SH3PXD2B: variants seen among roughly 807,000 people sequenced by gnomAD.
SH3PXD2B encodes the protein SH3 and PX domain-containing protein 2B.
In SH3PXD2B, 37 loss-of-function variants were observed where a neutral mutation model predicts 73.1. The ratio of observed to expected loss-of-function variants is 0.51; its 90% CI spans 0.39 to 0.67. SH3PXD2B has a LOEUF of 0.67. Among genes scored for constraint, SH3PXD2B ranks in the 30% least tolerant of loss-of-function variants. SH3PXD2B has a pLI of 0.00. For synonymous variants in SH3PXD2B, 457 were observed against 480.5 expected, an observed-to-expected ratio of 0.95 and a Z score of 0.64; for missense variants, 1,053 against 1,197.8, an observed-to-expected ratio of 0.88 and a Z score of 1.78.
chr5:172,405,812 C>T (rs918866588), intron 3 of SH3PXD2B, among the ~76,000 whole-genome samples: 2 of 152,104 alleles, frequency 1.3e-5, no homozygotes, highest in African/African-American at 4.8e-5. Context: ...GAATAGAAAA[C>T]GAATACCATA....
At chr5:172,440,149 A>T (rs1054349199) in intron 1 of SH3PXD2B, among the ~76,000 whole-genome samples, 2 of 152,232 alleles carry the variant, frequency 1.3e-5, no homozygotes, top group Admixed American at 6.5e-5. Flanking sequence ...ATTTCAAGTG[A>T]GGGCCTCTCT....
chr5:172,441,329 G>A (rs966319263), intron 1 of SH3PXD2B, among the ~76,000 whole-genome samples: 1 of 152,194 alleles, frequency 6.6e-6, no homozygotes, highest in Admixed American at 6.5e-5. Context: ...TCCAAAGCCT[G>A]CAGCTTAAAC....
rs1005758564 is a variant in SH3PXD2B, at chr5:172,445,836, C to T, written c.75+8442G>A. Among the ~76,000 whole-genome samples, 9 of 152,176 alleles carry T rather than the reference C, an allele frequency of 5.9e-5. No homozygotes were observed. The highest frequency in any genetic ancestry group is 1.3e-4 in the Admixed American group (2 of 15,286). ...AAGACCCTGGGCTGAGAGTCATGCCCGCCTGCAGGTGTGCATCTGGGCCAG... is the reference window on the plus strand; with the variant it reads ...AAGACCCTGGGCTGAGAGTCATGCCTGCCTGCAGGTGTGCATCTGGGCCAG... On this transcript the variant is annotated intron_variant, in intron 1 of 12. Transcript: ENST00000311601. This position sits in a 1 kb window ranked among gnomAD's most constrained non-coding sequence, Gnocchi z 5.2.
rs969662448 is a variant in SH3PXD2B, at chr5:172,381,911, G to A, written c.401+125C>T. The A allele has an allele frequency of 1.2e-5, 8 of 668,954 alleles. 1 individual carries two copies. Among genetic ancestry groups the A allele is most frequent in the South Asian group, 5.5e-5 (3 of 55,030 alleles). The allele number at this position is 668,954 out of a possible 1,614,324, so 41.4% of individuals were successfully genotyped here. On this transcript the variant is annotated intron_variant, in intron 5 of 12. Coordinates refer to ENST00000311601, the MANE Select transcript of SH3PXD2B (RefSeq NM_001017995.3). ...CAACTCTGAAGGCTAAGTGAAGTGC[G>A]GTCTCACAGGGGCTCAGCCGACGAA... is the stretch of plus-strand genomic sequence containing the variant.
chr5:172,416,457 A>G (rs1322525399), intron 2 of SH3PXD2B, among the ~76,000 whole-genome samples: 1 of 151,286 alleles, frequency 6.6e-6, no homozygotes, highest in African/African-American at 2.4e-5. Flanking sequence ...CCTCCTGAGT[A>G]GCTGGGATTA....
intron 12 of SH3PXD2B, among the ~76,000 whole-genome samples, chr5:172,345,143 C>T (rs908974682): frequency 2.8e-5 from 4 of 144,468 alleles, no homozygotes; most frequent in African/African-American, 8.5e-5. Flanking sequence ...GGAATGAAGG[C>T]GTGCAGGCAG....
At chr5:172,418,607 G>A (rs540705408) in intron 2 of SH3PXD2B, among the ~76,000 whole-genome samples, 66 of 152,262 alleles carry the variant, frequency 4.3e-4, no homozygotes, top group East Asian at 1.2e-3. Flanking sequence ...GGGCTGGTGC[G>A]ATCCTGCCCT....
chr5:172,429,979 G>A (rs1042013744), intron 1 of SH3PXD2B, among the ~76,000 whole-genome samples: 3 of 152,146 alleles, frequency 2.0e-5, no homozygotes, highest in Non-Finnish European at 2.9e-5. Context: ...CAATGGCCTC[G>A]ATTTATATCC....
At chr5:172,399,675 T>TA (rs1346430160) in intron 3 of SH3PXD2B, among the ~76,000 whole-genome samples, 1 of 152,218 alleles carries the variant, frequency 6.6e-6, no homozygotes, top group African/African-American at 2.4e-5. Flanking sequence ...CTTACAAACC[T>TA]AAAAATCTCA....
intron 6 of SH3PXD2B, among the ~76,000 whole-genome samples, chr5:172,369,043 C>A (rs961462551): frequency 1.3e-5 from 2 of 150,252 alleles, no homozygotes; most frequent in Admixed American, 1.3e-4. Context: ...TACAGGCATG[C>A]ACCACCATGC....
intron 3 of SH3PXD2B, among the ~76,000 whole-genome samples, chr5:172,403,193 C>G (rs775924769): frequency 2.0e-5 from 3 of 152,246 alleles, no homozygotes; most frequent in Non-Finnish European, 4.4e-5. Context: ...TTGTTTTCCA[C>G]TGTGGAGGAA....
intron 2 of SH3PXD2B, among the ~76,000 whole-genome samples, chr5:172,408,184 C>A (rs1256278954): frequency 6.6e-6 from 1 of 151,588 alleles, no homozygotes; most frequent in African/African-American, 2.4e-5. Context: ...TTCCCTTGGT[C>A]GCTAGCTACA....
chr5:172,408,445 AT>A (rs1758613675), intron 2 of SH3PXD2B, among the ~76,000 whole-genome samples: 1 of 138,010 alleles, frequency 7.2e-6, no homozygotes, highest in African/African-American at 2.8e-5. Flanking sequence ...ATTTTTTTGT[AT>A]TTTGTACAGA....
Position 172,335,439 on chromosome 5 carries a change from C to A in SH3PXD2B, c.*2930G>T. 2 of 1,111,416 alleles carry A rather than the reference C, an allele frequency of 1.8e-6. No individual in the cohort carries two copies. Among genetic ancestry groups the A allele is most frequent in the Non-Finnish European group, 2.1e-6 (2 of 934,090 alleles). The allele number at this position is 1,111,416 out of a possible 1,614,324, so 68.8% of individuals were successfully genotyped here. ...GAGGGAAAGAACAACAACAACAAAA[C>A]CAAACAAACCCAAACTCGAGATCTC... On this transcript the variant is annotated 3_prime_UTR_variant, in exon 13 of 13. Coordinates refer to ENST00000311601, the MANE Select transcript of SH3PXD2B (RefSeq NM_001017995.3).
At chr5:172,435,123 C>T (rs1759343410) in intron 1 of SH3PXD2B, among the ~76,000 whole-genome samples, 1 of 152,188 alleles carries the variant, frequency 6.6e-6, no homozygotes. Context: ...GACCTCAGAA[C>T]AGGCGACACT....
intron 1 of SH3PXD2B, among the ~76,000 whole-genome samples, chr5:172,435,278 A>C (rs1315875833): frequency 6.6e-6 from 1 of 152,224 alleles, no homozygotes; most frequent in East Asian, 1.9e-4. Flanking sequence ...TAAAAATGTG[A>C]GTCAATTTGA....
intron 5 of SH3PXD2B, among the ~76,000 whole-genome samples, chr5:172,381,773 C>T (rs1356155028): frequency 6.6e-6 from 1 of 152,166 alleles, no homozygotes; most frequent in African/African-American, 2.4e-5. Flanking sequence ...CTGCTCAGTT[C>T]CGACACACCT....
chr5:172,389,819 T>A (rs1180046321), intron 4 of SH3PXD2B, among the ~76,000 whole-genome samples: 5 of 152,194 alleles, frequency 3.3e-5, no homozygotes, highest in Non-Finnish European at 7.3e-5. Context: ...GGAGAGGTTT[T>A]CTGACCTTCT....
rs1756685709 is a variant in SH3PXD2B, at chr5:172,336,183, A to G, written c.*2186T>C. On this transcript the variant is annotated 3_prime_UTR_variant, in exon 13 of 13. Transcript: ENST00000311601. ...GTATCTGAAAGCGTCGCTGAAAGGC[A>G]AAGAGCAAATCAGAAAAAAACATGT... 1 of 985,670 alleles carries G rather than the reference A, an allele frequency of 1.0e-6. No homozygotes were observed. Among genetic ancestry groups the G allele is most frequent in the African/African-American group, 1.7e-5 (1 of 57,264 alleles). The allele number at this position is 985,670 out of a possible 1,614,324, so 61.1% of individuals were successfully genotyped here.
Sources: gnomAD v4.1 joint callset for allele counts (sites outside exome capture counted in the v4.1 genomes callset) on GRCh38, gnomAD v4.1.1 for gene constraint, Gnocchi (gnomAD v3.1) non-coding constraint, MANE v1.5 for transcripts, NCBI Gene and HGNC (gene_info 2026-07-23, HGNC 2026-07-21) for gene names.